Variants in ZC4H2 observed in about 807,000 individuals in gnomAD.
ZC4H2 encodes the protein zinc finger C4H2 domain-containing protein.
For missense variants in ZC4H2, 137 were observed against 173.9 expected, an observed-to-expected ratio of 0.79 and a Z score of 1.19; for synonymous variants, 84 against 66.3, an observed-to-expected ratio of 1.27 and a Z score of -1.30.
chrX:64,987,282 G>C (rs1002927243), intron 1 of ZC4H2, among the ~76,000 whole-genome samples: 1 of 111,020 alleles, frequency 9.0e-6, no homozygotes, highest in African/African-American at 3.3e-5. Context: ...AACTGAAATA[G>C]CTAAAAACAA....
At chrX:64,974,973 C>CAAAAA (rs58569761) in intron 1 of ZC4H2, among the ~76,000 whole-genome samples, 1 of 35,862 alleles carries the variant, frequency 2.8e-5, no homozygotes, top group Non-Finnish European at 6.2e-5. Flanking sequence ...ATGCTTTTGC[C>CAAAAA]AAAAAAAAAA....
At chrX:64,946,099 C>A (rs754374876) in intron 1 of ZC4H2, among the ~76,000 whole-genome samples, 1 of 110,364 alleles carries the variant, frequency 9.1e-6, no homozygotes, top group Non-Finnish European at 1.9e-5. Context: ...AGTTCTCTCT[C>A]GCTTGGGTTC....
chrX:65,032,734 TTTCCTTCCTTCCTTCCTTCCTTCCTTCC>T (rs59235733), intron 1 of ZC4H2, among the ~76,000 whole-genome samples: 4 of 86,798 alleles, frequency 4.6e-5, no homozygotes, highest in Non-Finnish European at 6.6e-5. Flanking sequence ...TTCTTCTTTC[TTTCCTTCCTTCCTTCCTTCCTTCCTTCC>T]TTCCTTCCTT....
chrX:64,959,064 T>C (rs1931277609), intron 1 of ZC4H2, among the ~76,000 whole-genome samples: 1 of 111,145 alleles, frequency 9.0e-6, no homozygotes, highest in African/African-American at 3.3e-5. Context: ...CTGGCCAATT[T>C]TATGGAAGCA....
At chrX:64,999,509 G>A (rs1244497043) in intron 1 of ZC4H2, among the ~76,000 whole-genome samples, 1 of 112,446 alleles carries the variant, frequency 8.9e-6, no homozygotes, top group Admixed American at 9.4e-5. Flanking sequence ...ACAAAGCTGG[G>A]TGGCTGTTTG....
At chrX:64,942,025 C>CA (rs1334011432) in intron 1 of ZC4H2, among the ~76,000 whole-genome samples, 1 of 108,473 alleles carries the variant, frequency 9.2e-6, no homozygotes, top group Non-Finnish European at 1.9e-5. Context: ...TGGCCCTGGA[C>CA]TTTTTTTTGG....
At chrX:64,970,322 T>C (rs1418768086) in intron 1 of ZC4H2, among the ~76,000 whole-genome samples, 12 of 111,646 alleles carry the variant, frequency 1.1e-4, no homozygotes. Flanking sequence ...GTGGCCAGCA[T>C]TGTTTGGCTT....
intron 1 of ZC4H2, among the ~76,000 whole-genome samples, chrX:65,016,851 G>T (rs1413248620): frequency 9.0e-6 from 1 of 111,702 alleles, no homozygotes; most frequent in Non-Finnish European, 1.9e-5. Flanking sequence ...TCTATCAGCT[G>T]CATATAGCTA....
chrX:64,978,500 T>C (rs192824197), upstream of ZC4H2, among the ~76,000 whole-genome samples: 7 of 111,756 alleles, frequency 6.3e-5, no homozygotes, highest in South Asian at 1.5e-3. Context: ...GCAACAAGCC[T>C]GCGTTAAGTG....
At chrX:64,951,627 C>T (rs1248996810) in intron 1 of ZC4H2, among the ~76,000 whole-genome samples, 24 of 111,779 alleles carry the variant, frequency 2.1e-4, no homozygotes, top group African/African-American at 4.6e-4. Context: ...TCATGTCCTT[C>T]GCCCATTTTT....
chrX:64,999,039 G>GTGT (rs1932475470), intron 1 of ZC4H2, among the ~76,000 whole-genome samples: 1 of 11,841 alleles, frequency 8.4e-5, no homozygotes, highest in African/African-American at 2.8e-4. Context: ...TGGATTATGT[G>GTGT]TTTTTTTTTT....
chrX:64,990,504 AT>A (rs1355038758), intron 1 of ZC4H2, among the ~76,000 whole-genome samples: 1 of 111,907 alleles, frequency 8.9e-6, no homozygotes, highest in Non-Finnish European at 1.9e-5. Flanking sequence ...AGGGGTTACT[AT>A]TGGGGAAAAC....
At chrX:64,947,748 C>T (rs766027568) in intron 1 of ZC4H2, among the ~76,000 whole-genome samples, 40 of 111,867 alleles carry the variant, frequency 3.6e-4, no homozygotes, top group East Asian at 1.1e-3. Context: ...ACCACTGATA[C>T]GCTGCTGAGT....
At chrX:64,981,762 C>G (rs191258533) in intron 1 of ZC4H2, among the ~76,000 whole-genome samples, 1 of 111,230 alleles carries the variant, frequency 9.0e-6, no homozygotes, top group Non-Finnish European at 1.9e-5. Flanking sequence ...TTTTCATGTT[C>G]TCCATCACTT....
intron 1 of ZC4H2, among the ~76,000 whole-genome samples, chrX:65,033,008 G>GT (rs1318196024): frequency 9.0e-6 from 1 of 111,384 alleles, no homozygotes; most frequent in Non-Finnish European, 1.9e-5. Flanking sequence ...AACTCCTGAC[G>GT]TCAGGTGATC....
At chrX:64,951,105 T>C (rs1930801490) in intron 1 of ZC4H2, among the ~76,000 whole-genome samples, 1 of 111,553 alleles carries the variant, frequency 9.0e-6, no homozygotes, top group Non-Finnish European at 1.9e-5. Context: ...TGATTTCCAA[T>C]TTCATCCATG....
At chrX:64,935,806 C>T (rs1202420547) in intron 1 of ZC4H2, among the ~76,000 whole-genome samples, 3 of 111,015 alleles carry the variant, frequency 2.7e-5, no homozygotes, top group South Asian at 3.8e-4. Context: ...TCTAAGGTCA[C>T]TAACATAAAA....
Position 64,917,643 on chromosome X carries a change from T to C in ZC4H2, c.*140A>G. The C allele has an allele frequency of 1.1e-6, 1 of 895,522 alleles. No individual in the cohort carries two copies. 73.8% of individuals were successfully genotyped at this position (895,522 alleles called of 1,213,427 possible). A position where few individuals can be genotyped will look rare whatever the true frequency, so the allele number is the denominator to read the frequency against. Reference sequence around the variant, plus strand: ...AGAGCAGAAAGAAATAGGAGCAAAGTGAGAGAGGGGTTGTGCTTCCATCAC... The same window carrying C: ...AGAGCAGAAAGAAATAGGAGCAAAGCGAGAGAGGGGTTGTGCTTCCATCAC... On this transcript the variant is annotated 3_prime_UTR_variant, in exon 5 of 5. Coordinates refer to ENST00000374839, the MANE Select transcript of ZC4H2 (RefSeq NM_018684.4).
intron 1 of ZC4H2, among the ~76,000 whole-genome samples, chrX:64,965,192 T>C (rs761912930): frequency 3.6e-5 from 4 of 111,993 alleles, no homozygotes; most frequent in Admixed American, 9.5e-5. Context: ...CTAAAACTCA[T>C]AGAAATTCAA....
Sources: allele counts gnomAD v4.1 joint callset (sites outside exome capture counted in the v4.1 genomes callset), GRCh38; gene constraint gnomAD v4.1.1; transcripts MANE v1.5; gene names NCBI Gene and HGNC (gene_info 2026-07-23, HGNC 2026-07-21).